LRRFIP2: variants seen among roughly 807,000 people sequenced by gnomAD.
LRRFIP2 encodes the protein LRR binding FLII interacting protein 2, also known as leucine-rich repeat flightless-interacting protein 2.
A neutral mutation model predicts 125.9 loss-of-function variants in LRRFIP2; 109 were observed. The ratio of observed to expected loss-of-function variants is 0.87; its 90% CI spans 0.74 to 1.01. LRRFIP2 has a LOEUF of 1.01. Among genes scored for constraint, LRRFIP2 ranks in the 50% least tolerant of loss-of-function variants. LRRFIP2 has a pLI of 0.00. For synonymous variants in LRRFIP2, 291 were observed against 293.1 expected, an observed-to-expected ratio of 0.99 and a Z score of 0.07; for missense variants, 850 against 862.3, an observed-to-expected ratio of 0.99 and a Z score of 0.18.
chr3:37,088,849 C>T (rs971961624), intron 18 of LRRFIP2, among the ~76,000 whole-genome samples: 1 of 151,398 alleles, frequency 6.6e-6, no homozygotes, highest in Non-Finnish European at 1.5e-5. Context: ...AAAAAAAGTA[C>T]CTAAGTAAAA....
intron 25 of LRRFIP2, among the ~76,000 whole-genome samples, chr3:37,057,173 A>G (rs779246025): frequency 3.9e-5 from 6 of 152,164 alleles, no homozygotes; most frequent in Non-Finnish European, 8.8e-5. Context: ...AATACCAGCT[A>G]TACAACAACC....
rs1559618813 is a variant in LRRFIP2 at position 37,054,518 on chromosome 3, G to GT, written c.1951-4dup. 11 of 1,608,962 alleles carry GT rather than the reference G, an allele frequency of 6.8e-6. No homozygotes were observed. The highest frequency in any genetic ancestry group is 9.4e-6 in the Non-Finnish European group (11 of 1,175,836). On this transcript the variant is annotated splice_polypyrimidine_tract_variant and splice_region_variant and intron_variant, in intron 26 of 27. Coordinates refer to ENST00000336686, the MANE Select transcript of LRRFIP2 (RefSeq NM_006309.4). ...ACCTGTCCCTCAAGCCGGCTAATCT[G>GT]TAAGTATGAGAACATAGGCCTCTAG... is the stretch of plus-strand genomic sequence containing the variant.
intron 2 of LRRFIP2, among the ~76,000 whole-genome samples, chr3:37,142,149 T>C (rs1031780608): frequency 1.8e-5 from 2 of 113,030 alleles, no homozygotes; most frequent in Non-Finnish European, 1.7e-5. Context: ...TTTTTCCTAC[T>C]TTTTTTTTTT....
chr3:37,063,727 T>A lies in LRRFIP2; in HGVS notation c.1749+15A>T. The A allele has an allele frequency of 6.3e-7, 1 of 1,597,360 alleles. No homozygotes were observed. Among genetic ancestry groups the A allele is most frequent in the Non-Finnish European group, 8.6e-7 (1 of 1,165,012 alleles). Reference sequence around the variant, plus strand: ...TTGTTAAAATTATATTACACTCCAATAAGAATGCCTTTACCTGTGACAGTA... The same window carrying A: ...TTGTTAAAATTATATTACACTCCAAAAAGAATGCCTTTACCTGTGACAGTA... On this transcript the variant is annotated intron_variant, in intron 24 of 27. Coordinates refer to ENST00000336686, the MANE Select transcript of LRRFIP2 (RefSeq NM_006309.4).
At chr3:37,116,477 T>C (rs888747355) in intron 6 of LRRFIP2, among the ~76,000 whole-genome samples, 6 of 152,052 alleles carry the variant, frequency 3.9e-5, no homozygotes, top group African/African-American at 1.2e-4. Flanking sequence ...AGAGAAAATA[T>C]TAGAGGGTGT....
intron 2 of LRRFIP2, chr3:37,134,608 CT>C: frequency 1.8e-6 from 1 of 562,656 alleles, no homozygotes; most frequent in Non-Finnish European, 3.5e-6. Flanking sequence ...TTTGGCCAGA[CT>C]TTTGAGCACA....
At chr3:37,100,216 T>C (rs573808320) in intron 15 of LRRFIP2, among the ~76,000 whole-genome samples, 1 of 152,118 alleles carries the variant, frequency 6.6e-6, no homozygotes, top group African/African-American at 2.4e-5. Flanking sequence ...TCCCAGCGCT[T>C]TGAGAGACTG....
chr3:37,112,318 G>A (rs569290445), intron 8 of LRRFIP2, among the ~76,000 whole-genome samples: 8 of 142,330 alleles, frequency 5.6e-5, no homozygotes, highest in Middle Eastern at 3.7e-3. Context: ...CTGGGAGACA[G>A]AGCGAGACTC....
At chr3:37,125,940 TTTTTTC>T (rs1243700145) in intron 4 of LRRFIP2, among the ~76,000 whole-genome samples, 1 of 152,162 alleles carries the variant, frequency 6.6e-6, no homozygotes, top group Non-Finnish European at 1.5e-5. Context: ...TCAGTTTAAT[TTTTTTC>T]TTTTTTTCTT....
At chr3:37,127,322 A>T (rs571725909) in intron 4 of LRRFIP2, among the ~76,000 whole-genome samples, 43 of 151,172 alleles carry the variant, frequency 2.8e-4, no homozygotes, top group East Asian at 1.2e-3. Flanking sequence ...TTATTTTTTT[A>T]AAAAAAAAGG....
intron 19 of LRRFIP2, among the ~76,000 whole-genome samples, chr3:37,079,400 C>T (rs1298930788): frequency 2.6e-5 from 4 of 152,122 alleles, no homozygotes; most frequent in African/African-American, 4.8e-5. Flanking sequence ...ACAGATTTAT[C>T]GTATGAATCA....
chr3:37,072,503 A>C (rs111543583), intron 21 of LRRFIP2, among the ~76,000 whole-genome samples: 1 of 129,082 alleles, frequency 7.7e-6, no homozygotes, highest in Non-Finnish European at 1.6e-5. Flanking sequence ...CTCCGTCTCA[A>C]AAAAAAAAAA....
intron 1 of LRRFIP2, chr3:37,170,197 G>A (rs1025433290): frequency 6.6e-6 from 1 of 152,152 alleles, no homozygotes; most frequent in Non-Finnish European, 1.5e-5. Context: ...GTGGGGGTGG[G>A]GAGGTCCATC....
At chr3:37,131,666 TA>T (rs1217451139) in intron 2 of LRRFIP2, among the ~76,000 whole-genome samples, 1 of 152,202 alleles carries the variant, frequency 6.6e-6, no homozygotes, top group Non-Finnish European at 1.5e-5. Flanking sequence ...AGTCTCATAG[TA>T]AGAATAAACT....
chr3:37,103,974 A>G (rs1559857984), intron 14 of LRRFIP2, among the ~76,000 whole-genome samples: 1 of 152,094 alleles, frequency 6.6e-6, no homozygotes, highest in Admixed American at 6.5e-5. Flanking sequence ...TTCATCATCT[A>G]TTCCTTACTT....
chr3:37,153,902 G>A (rs114113385), intron 1 of LRRFIP2, among the ~76,000 whole-genome samples: 3,630 of 151,530 alleles, frequency 0.024, 59 homozygotes, highest in Non-Finnish European at 0.034. Flanking sequence ...TAGTTCAAAG[G>A]ATAACCTAGT....
intron 19 of LRRFIP2, among the ~76,000 whole-genome samples, chr3:37,076,059 A>C (rs796306159): frequency 8.5e-5 from 13 of 152,266 alleles, no homozygotes; most frequent in African/African-American, 3.1e-4. Flanking sequence ...TCAATCAGAG[A>C]TTTACATAAG....
At chr3:37,066,954 TTC>T (rs1366015153) in intron 21 of LRRFIP2, 1 of 152,336 alleles carries the variant, frequency 6.6e-6, no homozygotes, top group Non-Finnish European at 1.5e-5. Flanking sequence ...TCATTTGGCT[TTC>T]TGTTATACTC....
At chr3:37,056,002 T>A (rs150642004) in intron 25 of LRRFIP2, among the ~76,000 whole-genome samples, 368 of 152,358 alleles carry the variant, frequency 2.4e-3, no homozygotes, top group African/African-American at 8.2e-3. Context: ...TGTATTTTAT[T>A]TGCATTTTTA....
Sources: gnomAD v4.1 joint callset for allele counts (sites outside exome capture counted in the v4.1 genomes callset) on GRCh38, gnomAD v4.1.1 for gene constraint, MANE v1.5 for transcripts, NCBI Gene and HGNC (gene_info 2026-07-23, HGNC 2026-07-21) for gene names.